Variants in GLIPR1L1 observed in about 807,000 individuals in gnomAD.
The protein encoded by GLIPR1L1 is GLIPR1 like 1.
A neutral mutation model predicts 29.9 loss-of-function variants in GLIPR1L1; 26 were observed. The observed-to-expected ratio is 0.87, with a 90% CI of 0.64 to 1.21. The LOEUF (loss-of-function observed/expected upper bound fraction) is 1.21, where lower values mean the gene tolerates loss of function less well. Among genes scored for constraint, GLIPR1L1 ranks in the 50% most tolerant of loss-of-function variants. The pLI, the probability that GLIPR1L1 is intolerant of heterozygous loss-of-function variation, is 0.00. For missense variants in GLIPR1L1, 305 were observed against 290.3 expected, an observed-to-expected ratio of 1.05 and a Z score of -0.37; for synonymous variants, 77 against 97.5, an observed-to-expected ratio of 0.79 and a Z score of 1.24.
intron 3 of GLIPR1L1, among the ~76,000 whole-genome samples, chr12:75,361,687 A>T (rs1042964516): frequency 2.0e-5 from 3 of 152,186 alleles, no homozygotes; most frequent in Non-Finnish European, 4.4e-5. Flanking sequence ...AGGAGAGATA[A>T]GAGAGAAGGA....
chr12:75,355,912 A>T lies in GLIPR1L1; in HGVS notation c.522-7190A>T, dbSNP rs563077574. On this transcript the variant is annotated intron_variant, in intron 3 of 5. Transcript: ENST00000378695. Reference sequence around the variant, plus strand: ...CAAACACCACATGTTCTCATTTACAAATGGGAGCTGAACAATGGGAACGCT... The same window carrying T: ...CAAACACCACATGTTCTCATTTACATATGGGAGCTGAACAATGGGAACGCT... Among the ~76,000 whole-genome samples, 5 of 152,304 alleles carry T rather than the reference A, an allele frequency of 3.3e-5. No individual in the cohort carries two copies. In the South Asian group the frequency reaches 8.3e-4, roughly 25 times the overall value.
chr12:75,344,929 G>C (rs2042351398), intron 2 of GLIPR1L1, among the ~76,000 whole-genome samples: 1 of 152,108 alleles, frequency 6.6e-6, no homozygotes, highest in African/African-American at 2.4e-5. Context: ...AAGTTGTCCA[G>C]TTTGGAAAGT....
intron 4 of GLIPR1L1, chr12:75,365,212 T>C (rs2043884772): frequency 6.6e-6 from 1 of 152,160 alleles, no homozygotes; most frequent in Non-Finnish European, 1.5e-5. Flanking sequence ...GGAACATCTG[T>C]AGGTTTTGTC....
At chr12:75,357,210 G>T (rs1005691769) in intron 3 of GLIPR1L1, among the ~76,000 whole-genome samples, 1 of 151,984 alleles carries the variant, frequency 6.6e-6, no homozygotes, top group Non-Finnish European at 1.5e-5. Context: ...AATAAATGCT[G>T]CACTGTTTAC....
At chr12:75,365,919 CT>C (rs2043932026) in intron 4 of GLIPR1L1, among the ~76,000 whole-genome samples, 1 of 152,080 alleles carries the variant, frequency 6.6e-6, no homozygotes, top group Admixed American at 6.6e-5. Context: ...AAAGATCATT[CT>C]GTTTTGGGCT....
At chr12:75,341,397 T>A (rs2042095668) in intron 1 of GLIPR1L1, among the ~76,000 whole-genome samples, 1 of 152,210 alleles carries the variant, frequency 6.6e-6, no homozygotes. Flanking sequence ...GAAGCCAATC[T>A]CAAAATGGAT....
chr12:75,369,495 G>A (rs985335712), intron 4 of GLIPR1L1: 2 of 973,746 alleles, frequency 2.1e-6, no homozygotes, highest in Non-Finnish European at 2.4e-6. Context: ...CTAATGAAGT[G>A]CTGGATGCTA....
In GLIPR1L1 at chr12:75,370,225, GT is replaced by G; in HGVS notation, c.*52del. ...TCTCAAATGTTAAAATAAAGGAATAGTTTATTGCTTAATATAACTTATCATC... is the reference window on the plus strand; with the variant it reads ...TCTCAAATGTTAAAATAAAGGAATAGTTATTGCTTAATATAACTTATCATC... On this transcript the variant is annotated 3_prime_UTR_variant, in exon 6 of 6. Transcript: ENST00000378695. The G allele has an allele frequency of 2.1e-6, 2 of 942,774 alleles. No homozygotes were observed. The highest frequency in any genetic ancestry group is 3.4e-6 in the Non-Finnish European group (2 of 586,274). The allele number at this position is 942,774 out of a possible 1,614,324, so 58.4% of individuals were successfully genotyped here. A position where few individuals can be genotyped will look rare whatever the true frequency, so the allele number is the denominator to read the frequency against.
chr12:75,354,586 CCATT>C lies in GLIPR1L1; in HGVS notation c.521+6865_521+6868del, dbSNP rs2043029114. 3.3e-5 allele frequency among the ~76,000 whole-genome samples: 5 copies of C among 152,050 alleles called. No individual in the cohort carries two copies. In the South Asian group the frequency reaches 1.0e-3, roughly 32 times the overall value. On this transcript the variant is annotated intron_variant, in intron 3 of 5. Transcript: ENST00000378695. ...GTAATTTACAGATTCAATGCTATTCCCATTAAACTCATTGACATTCTTCACAGAA... is the reference window on the plus strand; with the variant it reads ...GTAATTTACAGATTCAATGCTATTCCAAACTCATTGACATTCTTCACAGAA...
At chr12:75,365,310 CA>C (rs2043890732) in intron 4 of GLIPR1L1, 3 of 151,776 alleles carry the variant, frequency 2.0e-5, no homozygotes, top group Admixed American at 2.0e-4. Context: ...AATAATTTGA[CA>C]ATTAAAAAAG....
At chr12:75,369,649 G>C in intron 4 of GLIPR1L1, 1 of 983,760 alleles carries the variant, frequency 1.0e-6, no homozygotes, top group Non-Finnish European at 1.2e-6. Flanking sequence ...CGTTTCTTCA[G>C]GGACGTGAAT....
rs367811603 is a variant in GLIPR1L1, at chr12:75,354,174, G to C, written c.521+6452G>C. ...CAGGGAAGAGAAAAAAAAGGGGGGGGGGTATTCAAATAGGAAAAGAGGAAG... is the reference window on the plus strand; with the variant it reads ...CAGGGAAGAGAAAAAAAAGGGGGGGCGGTATTCAAATAGGAAAAGAGGAAG... On this transcript the variant is annotated intron_variant, in intron 3 of 5. Coordinates refer to ENST00000378695, the MANE Select transcript of GLIPR1L1 (RefSeq NM_001304964.2). 7.0e-3 allele frequency among the ~76,000 whole-genome samples: 999 copies of C among 142,864 alleles called. 36 individuals carry two copies. Among genetic ancestry groups the C allele is most frequent in the African/African-American group, 0.024 (929 of 38,030 alleles). The allele number at this position is 142,864 out of a possible 152,430, so 93.7% of individuals were successfully genotyped here.
At position 75,347,414 on chromosome 12, in the gene GLIPR1L1, G is replaced by A. The variant is rs189129308; in HGVS notation, c.421-208G>A. On this transcript the variant is annotated intron_variant, in intron 2 of 5. Coordinates refer to ENST00000378695, the MANE Select transcript of GLIPR1L1 (RefSeq NM_001304964.2). The stretch of plus-strand genomic sequence containing the variant: ...TTGATTTATAAGAATTACCAGTAAG[G>A]AAAAACTAGCTTGGTAGCTCTCATA... Among the ~76,000 whole-genome samples the A allele has an allele frequency of 1.0e-3, 154 of 151,952 alleles. 1 individual carries two copies. Among genetic ancestry groups the A allele is most frequent in the Non-Finnish European group, 1.5e-3 (99 of 67,928 alleles).
chr12:75,348,711 T>A (rs2042610580), intron 3 of GLIPR1L1, among the ~76,000 whole-genome samples: 1 of 152,138 alleles, frequency 6.6e-6, no homozygotes, highest in African/African-American at 2.4e-5. Context: ...ATGGGTCTTG[T>A]GAAAGCATAC....
Position 75,363,200 on chromosome 12 carries a change from AATATAT to A in GLIPR1L1, c.610+18_610+23del. The A allele has an allele frequency of 8.2e-7, 1 of 1,225,076 alleles. No homozygotes were observed. The highest frequency in any genetic ancestry group is 1.1e-6 in the Non-Finnish European group (1 of 900,974). 75.9% of individuals were successfully genotyped at this position (1,225,076 alleles called of 1,614,324 possible). A position where few individuals can be genotyped will look rare whatever the true frequency, so the allele number is the denominator to read the frequency against. ...GTAAAGAACCTCTGCAGTAAGCAAAAATATATATATATAATTACATTTAGAGAGTAA... is the reference window on the plus strand; with the variant it reads ...GTAAAGAACCTCTGCAGTAAGCAAAAATATATAATTACATTTAGAGAGTAA... On this transcript the variant is annotated intron_variant, in intron 4 of 5. Coordinates refer to ENST00000378695, the MANE Select transcript of GLIPR1L1 (RefSeq NM_001304964.2).
chr12:75,358,886 T>C (rs575860597), intron 3 of GLIPR1L1, among the ~76,000 whole-genome samples: 37 of 143,976 alleles, frequency 2.6e-4, no homozygotes, highest in Non-Finnish European at 5.0e-4. Context: ...TATAATTATA[T>C]ATATTACATA....
At chr12:75,338,750 T>G (rs1593653279) in intron 1 of GLIPR1L1, among the ~76,000 whole-genome samples, 1 of 152,122 alleles carries the variant, frequency 6.6e-6, no homozygotes, top group East Asian at 1.9e-4. Flanking sequence ...CTCTCTCTCC[T>G]CCCACCGCCT....
At chr12:75,341,372 T>G (rs2042093565) in intron 1 of GLIPR1L1, among the ~76,000 whole-genome samples, 1 of 152,234 alleles carries the variant, frequency 6.6e-6, no homozygotes, top group Admixed American at 6.5e-5. Flanking sequence ...TCAAAGGCAT[T>G]ATGCTGAGTG....
At chr12:75,350,428 C>T (rs987256887) in intron 3 of GLIPR1L1, among the ~76,000 whole-genome samples, 10 of 152,184 alleles carry the variant, frequency 6.6e-5, no homozygotes, top group African/African-American at 2.2e-4. Flanking sequence ...CCAGGCACTG[C>T]ATACAGGAGC....
Sources: gnomAD v4.1 joint callset for allele counts (sites outside exome capture counted in the v4.1 genomes callset) on GRCh38, gnomAD v4.1.1 for gene constraint, MANE v1.5 for transcripts, NCBI Gene and HGNC (gene_info 2026-07-23, HGNC 2026-07-21) for gene names.